The following LDLRAD4 variants were observed in gnomAD, a reference collection of about 807,000 sequenced individuals.
The protein encoded by LDLRAD4 is low-density lipoprotein receptor class A domain-containing protein 4.
A neutral mutation model predicts 17.0 loss-of-function variants in LDLRAD4; 5 were observed. The observed-to-expected ratio is 0.29, with a 90% CI of 0.15 to 0.62. The LOEUF (loss-of-function observed/expected upper bound fraction) is 0.62. LDLRAD4 is among the 20% of genes least tolerant of loss of function. LDLRAD4 has a pLI of 0.84. For synonymous variants in LDLRAD4, 168 were observed against 171.8 expected, an observed-to-expected ratio of 0.98 and a Z score of 0.17; for missense variants, 340 against 424.7, an observed-to-expected ratio of 0.80 and a Z score of 1.75.
chr18:13,443,692 T>TGTCGTCGTC (rs34431399), intron 3 of LDLRAD4, among the ~76,000 whole-genome samples: 7 of 150,392 alleles, frequency 4.7e-5, no homozygotes, highest in Non-Finnish European at 1.0e-4. Flanking sequence ...TCCCTCTTCC[T>TGTCGTCGTC]GTCGTCGTCG....
chr18:13,368,222 G>A (rs1241727065), intron 1 of LDLRAD4, among the ~76,000 whole-genome samples: 1 of 152,140 alleles, frequency 6.6e-6, no homozygotes, highest in South Asian at 2.1e-4. Flanking sequence ...TGGAAGCCAA[G>A]TTTCTAGAGG....
chr18:13,400,223 C>T (rs1177240549), intron 2 of LDLRAD4, among the ~76,000 whole-genome samples: 1 of 152,218 alleles, frequency 6.6e-6, no homozygotes, highest in Non-Finnish European at 1.5e-5. Context: ...TCATCCATGT[C>T]ACATACACTT....
chr18:13,310,380 G>C (rs2047167276), intron 1 of LDLRAD4, among the ~76,000 whole-genome samples: 1 of 151,970 alleles, frequency 6.6e-6, no homozygotes, highest in Admixed American at 6.6e-5. Flanking sequence ...GGAGATATTG[G>C]TGGGCCTGCA....
chr18:13,578,261 T>G (rs1362923874), intron 3 of LDLRAD4, among the ~76,000 whole-genome samples: 2 of 152,230 alleles, frequency 1.3e-5, no homozygotes, highest in Non-Finnish European at 2.9e-5. Flanking sequence ...AAATAATTGG[T>G]GGCATCATCT....
At chr18:13,281,367 C>T (rs1033385011) in intron 1 of LDLRAD4, among the ~76,000 whole-genome samples, 4 of 152,156 alleles carry the variant, frequency 2.6e-5, no homozygotes, top group Non-Finnish European at 5.9e-5. Flanking sequence ...CTAGCCTGGG[C>T]AGTACAGCGA....
At chr18:13,501,712 T>G (rs2093617630) in intron 3 of LDLRAD4, among the ~76,000 whole-genome samples, 1 of 152,044 alleles carries the variant, frequency 6.6e-6, no homozygotes, top group Non-Finnish European at 1.5e-5. Context: ...CGTGCCTGTG[T>G]GTGCACAGGA....
At chr18:13,407,932 C>G (rs55879832) in intron 2 of LDLRAD4, among the ~76,000 whole-genome samples, 67,351 of 151,822 alleles carry the variant, frequency 0.44, 16,845 homozygotes, top group Non-Finnish European at 0.56. Flanking sequence ...ACGGCACCCC[C>G]CTGCCCATTT....
intron 4 of LDLRAD4, among the ~76,000 whole-genome samples, chr18:13,641,369 A>G (rs1232997224): frequency 6.6e-6 from 1 of 152,240 alleles, no homozygotes; most frequent in Non-Finnish European, 1.5e-5. Flanking sequence ...GATAAGTTGG[A>G]TAGGCAGAGA....
intron 3 of LDLRAD4, among the ~76,000 whole-genome samples, chr18:13,476,587 G>A (rs1471375830): frequency 6.7e-6 from 1 of 148,954 alleles, no homozygotes; most frequent in East Asian, 2.0e-4. Flanking sequence ...TTACACCACT[G>A]TACTCCAGCC....
At chr18:13,445,089 G>T (rs2091297314) in intron 3 of LDLRAD4, among the ~76,000 whole-genome samples, 1 of 152,204 alleles carries the variant, frequency 6.6e-6, no homozygotes, top group Non-Finnish European at 1.5e-5. Flanking sequence ...CGTGTGACCA[G>T]TCAGGGCTTC....
intron 3 of LDLRAD4, chr18:13,487,048 G>C (rs956846081): frequency 2.6e-5 from 4 of 152,214 alleles, no homozygotes; most frequent in Admixed American, 1.3e-4. Context: ...ATGAACCTGA[G>C]CACCTTTTCA....
In LDLRAD4 at chr18:13,579,929, G is replaced by A. The variant is rs538759120; in HGVS notation, c.182-41188G>A. ...TCCCTTCTCAGCAGGGCTGCTGTCC[G>A]ATGCTGTGAGAGCCAGGGCCCCTGA... is the stretch of plus-strand genomic sequence containing the variant. On this transcript the variant is annotated intron_variant, in intron 3 of 5. Transcript: ENST00000359446. 1.6e-4 allele frequency among the ~76,000 whole-genome samples: 24 copies of A among 152,268 alleles called. 1 individual carries two copies. Among genetic ancestry groups the A allele is most frequent in the South Asian group, 1.5e-3 (7 of 4,818 alleles).
intron 3 of LDLRAD4, among the ~76,000 whole-genome samples, chr18:13,551,883 C>T: frequency 6.6e-6 from 1 of 152,158 alleles, no homozygotes; most frequent in East Asian, 1.9e-4. Flanking sequence ...GTGCCAGCAT[C>T]TGTTTCTGGG....
intron 2 of LDLRAD4, among the ~76,000 whole-genome samples, chr18:13,411,971 T>G (rs2088409821): frequency 6.6e-6 from 1 of 152,134 alleles, no homozygotes; most frequent in Non-Finnish European, 1.5e-5. Flanking sequence ...GCCTCTTGAG[T>G]AGCTGATTAC....
intron 3 of LDLRAD4, among the ~76,000 whole-genome samples, chr18:13,504,041 C>T (rs1648598): frequency 0.61 from 92,524 of 151,824 alleles, 28,861 homozygotes; most frequent in East Asian, 0.72. Flanking sequence ...GCATAATTAC[C>T]GTCTCCACCC....
intron 3 of LDLRAD4, chr18:13,515,258 A>G (rs183266374): frequency 6.6e-6 from 1 of 152,248 alleles, no homozygotes; most frequent in Non-Finnish European, 1.5e-5. Context: ...AAAGAAACCA[A>G]AATCCTTGGT....
chr18:13,563,374 G>A (rs182643539), intron 3 of LDLRAD4, among the ~76,000 whole-genome samples: 1 of 152,266 alleles, frequency 6.6e-6, no homozygotes, highest in African/African-American at 2.4e-5. Flanking sequence ...GATGCCCCTT[G>A]GAAGGAGGTT....
At chr18:13,347,881 G>A (rs60597854) in intron 1 of LDLRAD4, among the ~76,000 whole-genome samples, 1,891 of 152,236 alleles carry the variant, frequency 0.012, 18 homozygotes, top group African/African-American at 0.034. Flanking sequence ...TGAGGCTTGC[G>A]CATTCGTCAC....
At chr18:13,230,270 G>A (rs957559287) in intron 1 of LDLRAD4, among the ~76,000 whole-genome samples, 4 of 152,174 alleles carry the variant, frequency 2.6e-5, no homozygotes, top group Non-Finnish European at 2.9e-5. Context: ...CATTTTTGCT[G>A]TTTCTAAATG....
Sources: allele counts gnomAD v4.1 joint callset (sites outside exome capture counted in the v4.1 genomes callset), GRCh38; gene constraint gnomAD v4.1.1; transcripts MANE v1.5; gene names NCBI Gene and HGNC (gene_info 2026-07-23, HGNC 2026-07-21).